The following RYR2 variants were observed in gnomAD, a reference collection of about 807,000 sequenced individuals.
The protein encoded by RYR2 is ryanodine receptor 2, also known as cardiac muscle ryanodine receptor-calcium release channel.
RYR2 carries 227 observed loss-of-function variants against 601.1 expected under a neutral mutation model. The observed-to-expected ratio is 0.38, with a 90% CI of 0.34 to 0.42. The LOEUF is 0.42. RYR2 is among the 10% of genes least tolerant of loss of function. The pLI is 1.00. For missense variants in RYR2, 4,646 were observed against 6,156.5 expected, an observed-to-expected ratio of 0.75 and a Z score of 8.21; for synonymous variants, 2,223 against 2,175.1, an observed-to-expected ratio of 1.02 and a Z score of -0.61.
intron 1 of RYR2, among the ~76,000 whole-genome samples, chr1:237,114,167 G>A (rs1243191089): frequency 1.3e-5 from 2 of 152,114 alleles, no homozygotes; most frequent in Non-Finnish European, 2.9e-5. Context: ...CATTTTCACG[G>A]GGATTAGAGA....
chr1:237,136,708 T>G (rs1672819403), intron 1 of RYR2, among the ~76,000 whole-genome samples: 1 of 151,964 alleles, frequency 6.6e-6, no homozygotes, highest in African/African-American at 2.4e-5. Flanking sequence ...CAGTTATAGG[T>G]TGGTGGTTAA....
chr1:237,364,832 G>C (rs991085912), intron 5 of RYR2, among the ~76,000 whole-genome samples: 9 of 152,088 alleles, frequency 5.9e-5, no homozygotes, highest in Admixed American at 3.9e-4. Flanking sequence ...TGAATACAAT[G>C]GGAAATTCTT....
chr1:237,397,430 G>A (rs920065915), intron 10 of RYR2, among the ~76,000 whole-genome samples: 11 of 152,150 alleles, frequency 7.2e-5, no homozygotes, highest in South Asian at 6.2e-4. Flanking sequence ...TACAGTCTAG[G>A]GAAGTAGAAG....
At chr1:237,247,085 G>A (rs1686932923) in intron 1 of RYR2, among the ~76,000 whole-genome samples, 1 of 152,076 alleles carries the variant, frequency 6.6e-6, no homozygotes. Context: ...AAATATTACT[G>A]TCATCTGCTT....
intron 28 of RYR2, among the ~76,000 whole-genome samples, chr1:237,568,413 C>T (rs1335556884): frequency 6.6e-6 from 1 of 152,090 alleles, no homozygotes; most frequent in African/African-American, 2.4e-5. Flanking sequence ...GCTTATGAAT[C>T]AACGGAATAT....
intron 8 of RYR2, among the ~76,000 whole-genome samples, chr1:237,382,425 G>A (rs1372280385): frequency 2.0e-5 from 3 of 151,654 alleles, no homozygotes; most frequent in East Asian, 3.9e-4. Context: ...TGTGCACAAC[G>A]TGCAGGATTG....
chr1:237,393,375 A>T (rs1003206144), intron 10 of RYR2, among the ~76,000 whole-genome samples: 1 of 152,192 alleles, frequency 6.6e-6, no homozygotes, highest in African/African-American at 2.4e-5. Context: ...TGATGATTTA[A>T]TGAGCTTTAG....
Position 237,643,312 on chromosome 1 carries a change from T to A in RYR2, c.7222-15T>A, listed in dbSNP as rs1681763241. 2 of 1,607,414 alleles carry A rather than the reference T, an allele frequency of 1.2e-6. No individual in the cohort carries two copies. The highest frequency in any genetic ancestry group is 1.7e-6 in the Non-Finnish European group (2 of 1,176,390). ...GTCACAAAGTTGTTCTAATGTTTTT[T>A]TTTCCCCTGTATAGTTGATTCATGC... is the stretch of plus-strand genomic sequence containing the variant. On this transcript the variant is annotated splice_polypyrimidine_tract_variant and intron_variant, in intron 47 of 104. Coordinates refer to ENST00000366574, the MANE Select transcript of RYR2 (RefSeq NM_001035.3).
chr1:237,721,271 C>T (rs751273188), intron 73 of RYR2, among the ~76,000 whole-genome samples: 39 of 152,146 alleles, frequency 2.6e-4, no homozygotes, highest in African/African-American at 6.0e-4. Context: ...AAAAAGTAAA[C>T]GGATGAAAAC....
At position 237,181,594 on chromosome 1, in the gene RYR2, C is replaced by G. The variant is rs1313519379; in HGVS notation, c.49-88903C>G. On this transcript the variant is annotated intron_variant, in intron 1 of 104. Transcript: ENST00000366574. The stretch of plus-strand genomic sequence containing the variant: ...TTTGATGCTGGGGACAGCTGAGACT[C>G]TCATACATACAATTGGCTCTGGTAT... 2.0e-5 allele frequency among the ~76,000 whole-genome samples: 3 copies of G among 151,984 alleles called. No homozygotes were observed. The East Asian group carries it at 5.8e-4, about 29-fold the overall frequency.
intron 80 of RYR2, among the ~76,000 whole-genome samples, chr1:237,751,809 G>C (rs951525093): frequency 1.2e-4 from 19 of 152,124 alleles, no homozygotes; most frequent in African/African-American, 4.1e-4. Flanking sequence ...TCATTACACT[G>C]TTTGAAAGAT....
intron 1 of RYR2, among the ~76,000 whole-genome samples, chr1:237,251,302 A>G (rs771632986): frequency 6.6e-6 from 1 of 152,004 alleles, no homozygotes; most frequent in Non-Finnish European, 1.5e-5. Flanking sequence ...CTTCTCATTC[A>G]TTCTTAAGTC....
At chr1:237,093,394 T>A (rs907499236) in intron 1 of RYR2, among the ~76,000 whole-genome samples, 1 of 152,140 alleles carries the variant, frequency 6.6e-6, no homozygotes, top group Non-Finnish European at 1.5e-5. Context: ...AGATGATTTA[T>A]TCATGACATG....
chr1:237,310,711 AT>A (rs1432570678), intron 2 of RYR2, among the ~76,000 whole-genome samples: 3 of 152,170 alleles, frequency 2.0e-5, no homozygotes, highest in Admixed American at 6.5e-5. Context: ...AAACTTCTAA[AT>A]TGATTGAGTC....
chr1:237,314,502 G>A (rs1426094527), intron 2 of RYR2, among the ~76,000 whole-genome samples: 1 of 152,188 alleles, frequency 6.6e-6, no homozygotes, highest in Non-Finnish European at 1.5e-5. Flanking sequence ...AGTGGTACTA[G>A]CCTTCCAGGT....
At chr1:237,246,980 C>T (rs566489425) in intron 1 of RYR2, among the ~76,000 whole-genome samples, 1 of 152,266 alleles carries the variant, frequency 6.6e-6, no homozygotes, top group South Asian at 2.1e-4. Flanking sequence ...CACCTTATTT[C>T]TTGTGGTCCT....
intron 47 of RYR2, among the ~76,000 whole-genome samples, chr1:237,641,591 G>C (rs1486708872): frequency 6.7e-6 from 1 of 150,110 alleles, no homozygotes; most frequent in African/African-American, 2.5e-5. Flanking sequence ...TCCCAGGCTA[G>C]AGTGCAGTGG....
intron 3 of RYR2, among the ~76,000 whole-genome samples, chr1:237,351,680 A>C (rs1439200487): frequency 1.3e-5 from 2 of 151,938 alleles, no homozygotes; most frequent in African/African-American, 4.8e-5. Context: ...AAATGAAATG[A>C]ATTTATAATT....
chr1:237,188,299 A>G (rs1479675446), intron 1 of RYR2, among the ~76,000 whole-genome samples: 2 of 151,776 alleles, frequency 1.3e-5, no homozygotes, highest in African/African-American at 2.4e-5. Flanking sequence ...AGGAAAAGAC[A>G]GCATCTGTTG....
Sources: gnomAD v4.1 joint callset for allele counts (sites outside exome capture counted in the v4.1 genomes callset) on GRCh38, gnomAD v4.1.1 for gene constraint, MANE v1.5 for transcripts, NCBI Gene and HGNC (gene_info 2026-07-23, HGNC 2026-07-21) for gene names.